The following STK33 variants were observed in gnomAD, a reference collection of about 807,000 sequenced individuals.
STK33 encodes the protein serine/threonine kinase 33.
In STK33, 52 loss-of-function variants were observed where a neutral mutation model predicts 58.0. The ratio of observed to expected loss-of-function variants is 0.90; its 90% confidence interval spans 0.72 to 1.13. The LOEUF (loss-of-function observed/expected upper bound fraction) is 1.13. Among genes scored for constraint, STK33 ranks in the 50% most tolerant of loss-of-function variants. The pLI is 0.00. For synonymous variants in STK33, 215 were observed against 200.1 expected (o/e 1.07, Z -0.63); for missense variants, 630 against 604.2 (o/e 1.04, Z -0.45).
chr11:8,585,071 C>T (rs768827094), intron 1 of STK33, among the ~76,000 whole-genome samples: 1 of 151,112 alleles, frequency 6.6e-6, no homozygotes, highest in Non-Finnish European at 1.5e-5. Flanking sequence ...TACACGCATG[C>T]ACCACCAAGC....
chr11:8,553,201 G>GTATATATATA lies in STK33; in HGVS notation c.-466+40872_-466+40881dup, dbSNP rs60137762. Among the ~76,000 whole-genome samples the GTATATATATA allele has an allele frequency of 1.1e-4, 7 of 61,134 alleles. 1 individual carries two copies. Among genetic ancestry groups the GTATATATATA allele is most frequent in the South Asian group, 1.1e-3 (2 of 1,872 alleles). 40.1% of individuals were successfully genotyped at this position (61,134 alleles called of 152,430 possible). On this transcript the variant is annotated intron_variant, in intron 1 of 15. Coordinates refer to ENST00000687296, the MANE Select transcript of STK33 (RefSeq NM_001352389.2). ...ATATATATATATATATATATATGGTGTATATATATATATATATATATATGG... is the reference window on the plus strand; with the variant it reads ...ATATATATATATATATATATATGGTGTATATATATATATATATATATATATATATATATGG...
At chr11:8,490,233 T>C (rs759240264) in intron 1 of STK33, among the ~76,000 whole-genome samples, 1 of 152,174 alleles carries the variant, frequency 6.6e-6, no homozygotes, top group Non-Finnish European at 1.5e-5. Context: ...ACTTTTCCAA[T>C]GGTCTTAGCA....
intron 8 of STK33, among the ~76,000 whole-genome samples, chr11:8,460,258 T>G (rs1947350471): frequency 6.6e-6 from 1 of 151,690 alleles, no homozygotes; most frequent in African/African-American, 2.4e-5. Flanking sequence ...GAAAAAACAA[T>G]AAATTGAAAC....
the STK33 span, among the ~76,000 whole-genome samples, chr11:8,383,207 A>T: frequency 6.6e-6 from 1 of 152,228 alleles, no homozygotes; most frequent in Admixed American, 6.5e-5. Flanking sequence ...ACTAAGGAAG[A>T]GTCCAAGAGA....
chr11:8,539,080 T>C (rs892249241), intron 1 of STK33, among the ~76,000 whole-genome samples: 1 of 152,098 alleles, frequency 6.6e-6, no homozygotes, highest in African/African-American at 2.4e-5. Context: ...ATCCAAGAAG[T>C]ATCAGCTCCA....
chr11:8,498,614 C>G (rs960810030), intron 1 of STK33, among the ~76,000 whole-genome samples: 22 of 152,086 alleles, frequency 1.4e-4, no homozygotes, highest in African/African-American at 5.1e-4. Flanking sequence ...AAAAAAGAGC[C>G]CACATTGCCA....
chr11:8,488,159 T>G (rs1388859928), intron 1 of STK33, among the ~76,000 whole-genome samples: 1 of 152,174 alleles, frequency 6.6e-6, no homozygotes, highest in Non-Finnish European at 1.5e-5. Context: ...TTGGCCTAAC[T>G]CAGGGCTTGC....
chr11:8,339,572 G>A, the STK33 span, among the ~76,000 whole-genome samples: 3 of 152,238 alleles, frequency 2.0e-5, no homozygotes, highest in Non-Finnish European at 2.9e-5. Context: ...GCGCACAGAG[G>A]CCAGGGATGG....
In STK33 at chr11:8,392,354, G is replaced by C. The variant is rs1590671969; in HGVS notation, c.*156C>G. The C allele has an allele frequency of 1.2e-6, 1 of 851,954 alleles. No homozygotes were observed. The highest frequency in any genetic ancestry group is 1.7e-5 in the South Asian group (1 of 59,436). The allele number at this position is 851,954 out of a possible 1,614,324, so 52.8% of individuals were successfully genotyped here. Reference sequence around the variant, plus strand: ...GCTTATGCTGCTTTGGAGATAAGCAGCTTCAATTTTAAGCTGGTGCAAACA... The same window carrying C: ...GCTTATGCTGCTTTGGAGATAAGCACCTTCAATTTTAAGCTGGTGCAAACA... On this transcript the variant is annotated 3_prime_UTR_variant, in exon 16 of 16. Coordinates refer to ENST00000687296, the MANE Select transcript of STK33 (RefSeq NM_001352389.2).
the STK33 span, among the ~76,000 whole-genome samples, chr11:8,382,104 C>T: frequency 6.6e-6 from 1 of 152,306 alleles, no homozygotes; most frequent in South Asian, 2.1e-4. Context: ...CACACCCTTG[C>T]CACCCACATC....
chr11:8,384,501 G>A, the STK33 span, among the ~76,000 whole-genome samples: 10 of 152,202 alleles, frequency 6.6e-5, no homozygotes, highest in South Asian at 2.1e-4. Context: ...AGGCTTAAAC[G>A]TCTCCTTGTG....
At chr11:8,370,565 G>A in the STK33 span, among the ~76,000 whole-genome samples, 1 of 152,170 alleles carries the variant, frequency 6.6e-6, no homozygotes, top group Non-Finnish European at 1.5e-5. Context: ...GAAGCAGAGG[G>A]CAGCACTGGG....
chr11:8,538,549 T>A (rs1158991468), intron 1 of STK33, among the ~76,000 whole-genome samples: 1 of 152,206 alleles, frequency 6.6e-6, no homozygotes, highest in East Asian at 1.9e-4. Context: ...GTCATTTTAG[T>A]CATCATCATA....
At chr11:8,499,561 C>T (rs535207530) in intron 1 of STK33, among the ~76,000 whole-genome samples, 1 of 152,186 alleles carries the variant, frequency 6.6e-6, no homozygotes, top group Admixed American at 6.5e-5. Flanking sequence ...CCCAGCAATC[C>T]CATTACTGGG....
rs138502248 is a variant in STK33, at chr11:8,479,044, T to C, written c.-261+1366A>G. Reference sequence around the variant, plus strand: ...ATTAACTTTTCCTTTCTATTTTAATTTGCATGATGTTCCTCACTGATTAAG... The same window carrying C: ...ATTAACTTTTCCTTTCTATTTTAATCTGCATGATGTTCCTCACTGATTAAG... On this transcript the variant is annotated intron_variant, in intron 2 of 15. Transcript: ENST00000687296. Among the ~76,000 whole-genome samples the C allele has an allele frequency of 4.7e-3, 720 of 152,312 alleles. 2 individuals carry two copies. The highest frequency in any genetic ancestry group is 0.016 in the African/African-American group (672 of 41,580).
chr11:8,367,404 T>C, the STK33 span, among the ~76,000 whole-genome samples: 7,446 of 152,272 alleles, frequency 0.049, 249 homozygotes, highest in Non-Finnish European at 0.07. Context: ...TACATTCATG[T>C]TCTGACTATG....
Position 8,461,786 on chromosome 11 carries a change from G to A in STK33, c.558+19C>T, listed in dbSNP as rs773148431. The A allele has an allele frequency of 8.6e-6, 13 of 1,513,186 alleles. No individual in the cohort carries two copies. The highest frequency in any genetic ancestry group is 2.9e-5 in the African/African-American group (2 of 69,954). The allele number at this position is 1,513,186 out of a possible 1,614,324, so 93.7% of individuals were successfully genotyped here. A position where few individuals can be genotyped will look rare whatever the true frequency, so the allele number is the denominator to read the frequency against. On this transcript the variant is annotated intron_variant, in intron 8 of 15. Coordinates refer to ENST00000687296, the MANE Select transcript of STK33 (RefSeq NM_001352389.2). Reference sequence around the variant, plus strand: ...TAATAATAACAACTTTCAAAATGCAGCGCCTAATAGAGGTTTACCTTTGGC... The same window carrying A: ...TAATAATAACAACTTTCAAAATGCAACGCCTAATAGAGGTTTACCTTTGGC...
chr11:8,405,781 G>C (rs573760899), intron 15 of STK33, among the ~76,000 whole-genome samples: 1 of 151,984 alleles, frequency 6.6e-6, no homozygotes, highest in Non-Finnish European at 1.5e-5. Flanking sequence ...ATCTACTATT[G>C]TTCTAGCATT....
chr11:8,517,188 T>C (rs1288362132), intron 1 of STK33, among the ~76,000 whole-genome samples: 2 of 152,214 alleles, frequency 1.3e-5, no homozygotes, highest in African/African-American at 2.4e-5. Context: ...TTTGCTGTTC[T>C]GCAGCCTCCG....
Sources: gnomAD v4.1 joint callset for allele counts (sites outside exome capture counted in the v4.1 genomes callset) on GRCh38, gnomAD v4.1.1 for gene constraint, MANE v1.5 for transcripts, NCBI Gene and HGNC (gene_info 2026-07-23, HGNC 2026-07-21) for gene names.